TRPS1: variants seen among roughly 807,000 people sequenced by gnomAD.
TRPS1 encodes the protein transcriptional repressor GATA binding 1, also known as zinc finger transcription factor Trps1.
TRPS1 carries 6 observed loss-of-function variants against 101.2 expected under a neutral mutation model. The ratio of observed to expected loss-of-function variants is 0.06; its 90% CI spans 0.03 to 0.12. The LOEUF (loss-of-function observed/expected upper bound fraction) is 0.12. TRPS1 is among the 10% of genes least tolerant of loss of function. The probability of loss-of-function intolerance (pLI) is 1.00; values close to 1 mark genes in which losing one functional copy is unlikely to be tolerated. For missense variants in TRPS1, 1,363 were observed against 1,567.0 expected (o/e 0.87, Z 2.20); for synonymous variants, 578 against 589.8 (o/e 0.98, Z 0.29).
chr8:115,565,020 G>C (rs755460700), intron 5 of TRPS1, among the ~76,000 whole-genome samples: 19 of 152,058 alleles, frequency 1.2e-4, no homozygotes, highest in Non-Finnish European at 1.0e-4. Flanking sequence ...GTTTCCAGGA[G>C]AGAGTTGAGT....
chr8:115,483,682 T>A (rs800911), intron 5 of TRPS1, among the ~76,000 whole-genome samples: 39,489 of 151,958 alleles, frequency 0.26, 5,583 homozygotes, highest in East Asian at 0.43. Flanking sequence ...AACATTCTGG[T>A]CTAATTCCCA....
At position 115,535,144 on chromosome 8, in the gene TRPS1, A is replaced by ATAGCATATG. The variant is rs1563582540; in HGVS notation, c.2700+51856_2700+51857insCATATGCTA. Among the ~76,000 whole-genome samples the ATAGCATATG allele has an allele frequency of 1.1e-4, 3 of 27,694 alleles. No individual in the cohort carries two copies. In the Admixed American group the frequency reaches 1.3e-3, roughly 12 times the overall value. 18.2% of individuals were successfully genotyped at this position (27,694 alleles called of 152,430 possible). A position where few individuals can be genotyped will look rare whatever the true frequency, so the allele number is the denominator to read the frequency against. Reference sequence around the variant, plus strand: ...TATGTATAGCATATATATAGCATATATATAGCATATGTATAGCATATGTAT... The same window carrying ATAGCATATG: ...TATGTATAGCATATATATAGCATATATAGCATATGTATAGCATATGTATAGCATATGTAT... On this transcript the variant is annotated intron_variant, in intron 5 of 6. Coordinates refer to ENST00000395715, the MANE Select transcript of TRPS1 (RefSeq NM_014112.5).
chr8:115,576,976 A>G (rs934384085), intron 5 of TRPS1, among the ~76,000 whole-genome samples: 2 of 152,168 alleles, frequency 1.3e-5, no homozygotes, highest in African/African-American at 2.4e-5. Flanking sequence ...TCAGGCAAAG[A>G]GGACAGATTT....
intron 5 of TRPS1, among the ~76,000 whole-genome samples, chr8:115,430,320 TGAA>T (rs1488116007): frequency 6.6e-6 from 1 of 152,186 alleles, no homozygotes; most frequent in Non-Finnish European, 1.5e-5. Context: ...AGGAGGCTCT[TGAA>T]GAAGGACCTA....
chr8:115,489,198 A>T (rs974319821), intron 5 of TRPS1, among the ~76,000 whole-genome samples: 1 of 152,194 alleles, frequency 6.6e-6, no homozygotes, highest in African/African-American at 2.4e-5. Context: ...TATATGAGAC[A>T]CCAATAAAAT....
chr8:115,462,892 G>A (rs1363305604), intron 5 of TRPS1, among the ~76,000 whole-genome samples: 1 of 151,934 alleles, frequency 6.6e-6, no homozygotes, highest in Non-Finnish European at 1.5e-5. Flanking sequence ...AAGCCAGAAA[G>A]GATACTGCCA....
At chr8:115,446,141 CAA>C (rs1238060903) in intron 5 of TRPS1, among the ~76,000 whole-genome samples, 1 of 151,908 alleles carries the variant, frequency 6.6e-6, no homozygotes, top group African/African-American at 2.4e-5. Context: ...TTTGACTTTG[CAA>C]AGTGTTTCTT....
chr8:115,413,865 A>C lies in TRPS1; in HGVS notation c.*158T>G. ...TCTCACTTTTTAATCTTGGTAACCT[A>C]CTCATCAAAAGAAAGAATAACAAAA... On this transcript the variant is annotated 3_prime_UTR_variant, in exon 7 of 7. Transcript: ENST00000395715. 1 of 688,628 alleles carries C rather than the reference A, an allele frequency of 1.5e-6. No individual in the cohort carries two copies. The highest frequency in any genetic ancestry group is 2.4e-6 in the Non-Finnish European group (1 of 417,168). The allele number at this position is 688,628 out of a possible 1,614,324, so 42.7% of individuals were successfully genotyped here. A position where few individuals can be genotyped will look rare whatever the true frequency, so the allele number is the denominator to read the frequency against.
At chr8:115,555,868 CAA>C (rs11352416) in intron 5 of TRPS1, among the ~76,000 whole-genome samples, 1 of 148,828 alleles carries the variant, frequency 6.7e-6, no homozygotes, top group Non-Finnish European at 1.5e-5. Context: ...AACAAACAAA[CAA>C]AAAAAAAAGC....
chr8:115,489,694 A>G (rs75887497), intron 5 of TRPS1, among the ~76,000 whole-genome samples: 2,023 of 152,232 alleles, frequency 0.013, 48 homozygotes, highest in African/African-American at 0.046. Context: ...CATGGTAAAT[A>G]TTATTAGAAA....
chr8:115,562,687 C>A (rs773249991), intron 5 of TRPS1, among the ~76,000 whole-genome samples: 46 of 151,550 alleles, frequency 3.0e-4, no homozygotes, highest in Non-Finnish European at 5.6e-4. Flanking sequence ...CAAGACACTG[C>A]GCTGATAAGA....
In TRPS1 at chr8:115,414,036, T is replaced by C; in HGVS notation, c.3872A>G (p.Lys1291Arg). ...AGTGCTAAGGTTTTACTCTTTAGGT[T>C]TTCCATTTTTTTCCACTTGTGCATT... The part of the protein sequence containing the change: ...RNNAQVEKNG[K>R]PKE The change falls in exon 7 of 7, where the codon AAA (lysine) becomes AGA (arginine). Residue 1291 changes from lysine to arginine, a missense_variant. By Grantham distance (26) the Lys-to-Arg change is conservative. This residue lies in a region of TRPS1 where 307 missense variants were observed against 392.4 expected (regional missense o/e 0.78). Transcript: ENST00000395715. This position sits in a 1 kb window ranked among gnomAD's most constrained non-coding sequence, Gnocchi z 4.8. The C allele has an allele frequency of 6.2e-7, 1 of 1,613,632 alleles. No individual in the cohort carries two copies. The highest frequency in any genetic ancestry group is 1.1e-5 in the South Asian group (1 of 91,038).
At chr8:115,512,715 A>G (rs1450261096) in intron 5 of TRPS1, among the ~76,000 whole-genome samples, 1 of 151,776 alleles carries the variant, frequency 6.6e-6, no homozygotes, top group Non-Finnish European at 1.5e-5. Flanking sequence ...TTACTCCATT[A>G]AAGTTTGTGT....
chr8:115,581,800 T>C (rs984364054), intron 5 of TRPS1, among the ~76,000 whole-genome samples: 2 of 152,220 alleles, frequency 1.3e-5, no homozygotes, highest in African/African-American at 2.4e-5. Context: ...ATGAATTTGA[T>C]ACATGGATTG....
chr8:115,516,067 C>T (rs570437208), intron 5 of TRPS1, among the ~76,000 whole-genome samples: 1 of 151,398 alleles, frequency 6.6e-6, no homozygotes, highest in South Asian at 2.1e-4. Context: ...ACTAAATCTA[C>T]AGTCATTAAC....
intron 5 of TRPS1, among the ~76,000 whole-genome samples, chr8:115,445,948 A>T (rs373211995): frequency 5.9e-5 from 9 of 152,160 alleles, no homozygotes; most frequent in African/African-American, 2.2e-4. Context: ...GAATATATTT[A>T]TTATGAAGTT....
At chr8:115,477,737 T>A (rs779801599) in intron 5 of TRPS1, among the ~76,000 whole-genome samples, 2 of 152,144 alleles carry the variant, frequency 1.3e-5, no homozygotes, top group Non-Finnish European at 2.9e-5. Flanking sequence ...GTTGGCTACA[T>A]CACATAGGAA....
At chr8:115,555,091 A>G (rs1457628894) in intron 5 of TRPS1, among the ~76,000 whole-genome samples, 1 of 152,214 alleles carries the variant, frequency 6.6e-6, no homozygotes, top group African/African-American at 2.4e-5. Context: ...CCCAAACCCT[A>G]GAAGCTACTA....
chr8:115,568,385 A>G (rs1022656453), intron 5 of TRPS1, among the ~76,000 whole-genome samples: 1 of 152,146 alleles, frequency 6.6e-6, no homozygotes, highest in African/African-American at 2.4e-5. Flanking sequence ...ACATAATTGT[A>G]AATTTTTCAG....
Sources: gnomAD v4.1 joint callset for allele counts (sites outside exome capture counted in the v4.1 genomes callset) on GRCh38, gnomAD v4.1.1 for gene constraint, gnomAD v4.1.1 regional missense constraint, Gnocchi (gnomAD v3.1) non-coding constraint, MANE v1.5 for transcripts, NCBI Gene and HGNC (gene_info 2026-07-23, HGNC 2026-07-21) for gene names.